The following COL14A1 variants were observed in gnomAD, a reference collection of about 807,000 sequenced individuals.
The protein encoded by COL14A1 is collagen type XIV alpha 1 chain.
COL14A1 carries 136 observed loss-of-function variants against 230.3 expected under a neutral mutation model. The ratio of observed to expected loss-of-function variants is 0.59; its 90% CI spans 0.51 to 0.68. COL14A1 has a LOEUF of 0.68. Ranked by LOEUF, COL14A1 falls within the 30% of genes least tolerant of loss-of-function variation. The pLI is 0.00. For missense variants in COL14A1, 1,976 were observed against 2,215.8 expected (o/e 0.89, Z 2.17); for synonymous variants, 792 against 784.1 (o/e 1.01, Z -0.17).
intron 32 of COL14A1, among the ~76,000 whole-genome samples, chr8:120,284,662 C>T (rs572966633): frequency 2.6e-5 from 4 of 152,186 alleles, no homozygotes; most frequent in African/African-American, 7.2e-5. Context: ...ATTGTGGAAG[C>T]ATTTTGCATT....
intron 15 of COL14A1, 144 bp downstream of exon 15, chr8:120,225,358 A>T: frequency 1.4e-6 from 1 of 698,336 alleles, no homozygotes; most frequent in East Asian, 3.0e-5. Flanking sequence ...AAAAATAAAC[A>T]ATTGGATGAC....
In COL14A1 at chr8:120,340,491, C is replaced by T. The variant is rs549751789; in HGVS notation, c.4786-834C>T. Among the ~76,000 whole-genome samples, 200 of 152,244 alleles carry T rather than the reference C, an allele frequency of 1.3e-3. 1 individual carries two copies. Among genetic ancestry groups the T allele is most frequent in the Non-Finnish European group, 2.3e-3 (156 of 68,016 alleles). On this transcript the variant is annotated intron_variant, in intron 42 of 47. Transcript: ENST00000297848. ...ATAACAACTGGAAACAGTCTGACAA[C>T]GTGGCAAATTCCATTAATGAATTCC...
At chr8:120,225,763 C>T (rs1818074893) in intron 15 of COL14A1, among the ~76,000 whole-genome samples, 1 of 152,002 alleles carries the variant, frequency 6.6e-6, no homozygotes, top group South Asian at 2.1e-4. Context: ...CACTTTTTAT[C>T]TCTTGGTGGC....
intron 40 of COL14A1, among the ~76,000 whole-genome samples, chr8:120,329,714 G>T (rs904372038): frequency 6.6e-6 from 1 of 152,136 alleles, no homozygotes. Flanking sequence ...CTGTATCAGG[G>T]TTTATCAATA....
At chr8:120,215,791 A>G (rs1817733047) in intron 13 of COL14A1, among the ~76,000 whole-genome samples, 1 of 152,174 alleles carries the variant, frequency 6.6e-6, no homozygotes, top group Non-Finnish European at 1.5e-5. Flanking sequence ...ATCAGTGGGA[A>G]GGATAGAGTT....
At chr8:120,141,970 C>T (rs754363307) in intron 1 of COL14A1, among the ~76,000 whole-genome samples, 9 of 152,210 alleles carry the variant, frequency 5.9e-5, no homozygotes, top group Non-Finnish European at 8.8e-5. Context: ...TGGGCTCAAG[C>T]GATCTTCCTG....
intron 19 of COL14A1, among the ~76,000 whole-genome samples, chr8:120,237,340 A>G (rs1818477389): frequency 6.6e-6 from 1 of 151,968 alleles, no homozygotes; most frequent in Admixed American, 6.6e-5. Context: ...TCTTGTCTTC[A>G]TGCTTTATTT....
intron 1 of COL14A1, among the ~76,000 whole-genome samples, chr8:120,137,550 A>G (rs1294798091): frequency 6.6e-6 from 1 of 152,086 alleles, no homozygotes; most frequent in Non-Finnish European, 1.5e-5. Flanking sequence ...AAATTAGAGC[A>G]TTGATTTTAA....
At chr8:120,254,596 G>A (rs778726202) in intron 22 of COL14A1, among the ~76,000 whole-genome samples, 3 of 152,022 alleles carry the variant, frequency 2.0e-5, no homozygotes, top group Middle Eastern at 3.4e-3. Flanking sequence ...GAAAACACAA[G>A]TATATAAAGG....
chr8:120,308,729 C>T (rs1306208113), intron 36 of COL14A1, among the ~76,000 whole-genome samples: 1 of 152,150 alleles, frequency 6.6e-6, no homozygotes, highest in Non-Finnish European at 1.5e-5. Context: ...TAATAGTGTA[C>T]AGAATCCCTT....
chr8:120,222,893 G>T (rs1817975117), intron 14 of COL14A1, among the ~76,000 whole-genome samples: 2 of 152,128 alleles, frequency 1.3e-5, no homozygotes, highest in African/African-American at 4.8e-5. Flanking sequence ...ATTTCAGGTT[G>T]CCATTGGTGC....
At chr8:120,146,364 A>G (rs936553312) in intron 1 of COL14A1, among the ~76,000 whole-genome samples, 3 of 152,184 alleles carry the variant, frequency 2.0e-5, no homozygotes, top group Admixed American at 6.5e-5. Context: ...TAAGCTTTAA[A>G]GCTTATTATG....
At chr8:120,269,959 ATTAT>A in intron 25 of COL14A1, 72 bp from the exon 26 acceptor site, 1 of 1,504,356 alleles carries the variant, frequency 6.6e-7, no homozygotes, top group African/African-American at 1.4e-5. Flanking sequence ...GAGGGCAACC[ATTAT>A]TTGTCTTATT....
intron 21 of COL14A1, 99 bp downstream of exon 21, chr8:120,247,834 AT>A: frequency 4.9e-6 from 7 of 1,425,974 alleles, no homozygotes; most frequent in Non-Finnish European, 6.7e-6. Context: ...GTTTGGTTGT[AT>A]TTTTTTAAAG....
intron 23 of COL14A1, among the ~76,000 whole-genome samples, chr8:120,261,499 G>T (rs532204101): frequency 2.0e-5 from 3 of 152,236 alleles, no homozygotes; most frequent in Non-Finnish European, 4.4e-5. Flanking sequence ...CTCAAGAAAT[G>T]ATGAATATAA....
intron 13 of COL14A1, among the ~76,000 whole-genome samples, chr8:120,213,351 C>T (rs1408593816): frequency 1.3e-5 from 2 of 152,146 alleles, no homozygotes; most frequent in Non-Finnish European, 2.9e-5. Context: ...GACTTGGGGT[C>T]TTGCTCACCA....
chr8:120,250,794 C>G (rs777483112), intron 22 of COL14A1, 28 bp downstream of exon 22: 1 of 1,612,028 alleles, frequency 6.2e-7, no homozygotes, highest in Non-Finnish European at 8.5e-7. Flanking sequence ...TGGCCTCAGC[C>G]GCATATGGGT....
At chr8:120,177,652 C>CAAAA (rs60652647) in intron 5 of COL14A1, among the ~76,000 whole-genome samples, 28 of 82,788 alleles carry the variant, frequency 3.4e-4, no homozygotes, top group Middle Eastern at 0.01. Flanking sequence ...TTGCCTGCTT[C>CAAAA]AAAAAAAAAA....
intron 31 of COL14A1, 32 bp downstream of exon 31, chr8:120,281,091 C>T (rs1203246312): frequency 1.9e-6 from 3 of 1,588,024 alleles, no homozygotes; most frequent in Admixed American, 3.6e-5. Flanking sequence ...TTAAAGTCAT[C>T]GTATGTTTAT....
Sources: gnomAD v4.1 joint callset for allele counts (sites outside exome capture counted in the v4.1 genomes callset) on GRCh38, gnomAD v4.1.1 for gene constraint, MANE v1.5 for transcripts, NCBI Gene and HGNC (gene_info 2026-07-23, HGNC 2026-07-21) for gene names.